CUL3: variants seen among roughly 807,000 people sequenced by gnomAD.
The protein encoded by CUL3 is cullin 3, also known as cullin-3.
CUL3 carries 19 observed loss-of-function variants against 89.1 expected under a neutral mutation model. The ratio of observed to expected loss-of-function variants is 0.21; its 90% confidence interval spans 0.15 to 0.31. The LOEUF is 0.31. Among genes scored for constraint, CUL3 ranks in the 10% least tolerant of loss-of-function variants. The probability of loss-of-function intolerance (pLI) is 1.00; values close to 1 mark genes in which losing one functional copy is unlikely to be tolerated. For synonymous variants in CUL3, 351 were observed against 308.4 expected (o/e 1.14, Z -1.45); for missense variants, 469 against 942.3 (o/e 0.50, Z 6.58).
rs2106128700 is a variant in CUL3 at position 224,472,504 on chromosome 2, A to G, written c.*1741T>C. The G allele has an allele frequency of 5.3e-6, 1 of 189,358 alleles. No homozygotes were observed. The highest frequency in any genetic ancestry group is 1.1e-5 in the Non-Finnish European group (1 of 90,194). The allele number at this position is 189,358 out of a possible 1,614,324, so 11.7% of individuals were successfully genotyped here. On this transcript the variant is annotated 3_prime_UTR_variant, in exon 16 of 16. Transcript: ENST00000264414. ...GAAAATTTCCAATTATGTCAAAATC[A>G]GAAGGTGAAACCCTTAGCTTTCCAT...
chr2:224,572,655 TG>T (rs1490001423), intron 1 of CUL3, among the ~76,000 whole-genome samples: 8 of 109,718 alleles, frequency 7.3e-5, no homozygotes, highest in Non-Finnish European at 1.6e-4. Flanking sequence ...AAAAAAAAGG[TG>T]GGGTCTTCAG....
chr2:224,522,347 A>C (rs917874250), intron 3 of CUL3, among the ~76,000 whole-genome samples: 1 of 152,228 alleles, frequency 6.6e-6, no homozygotes, highest in Non-Finnish European at 1.5e-5. Context: ...AATTAGATCG[A>C]AGTTTAAAGA....
chr2:224,542,570 T>C (rs182385750), intron 2 of CUL3, among the ~76,000 whole-genome samples: 88 of 150,994 alleles, frequency 5.8e-4, no homozygotes, highest in East Asian at 1.2e-3. Flanking sequence ...TGTGTGTGTG[T>C]GCGCGCGCGC....
At chr2:224,484,100 G>C (rs1691631799) in intron 13 of CUL3, among the ~76,000 whole-genome samples, 1 of 152,038 alleles carries the variant, frequency 6.6e-6, no homozygotes, top group South Asian at 2.1e-4. Flanking sequence ...GAACCTGGGA[G>C]GTCGAGGTTA....
At chr2:224,567,682 G>C (rs1695077691) in intron 1 of CUL3, among the ~76,000 whole-genome samples, 1 of 151,858 alleles carries the variant, frequency 6.6e-6, no homozygotes, top group African/African-American at 2.4e-5. Flanking sequence ...AGAGGTTGCA[G>C]TAAGCCGAGA....
chr2:224,559,353 C>CT (rs1694832073), intron 1 of CUL3, among the ~76,000 whole-genome samples: 1 of 149,832 alleles, frequency 6.7e-6, no homozygotes, highest in Non-Finnish European at 1.5e-5. Context: ...ACCCGGGAGG[C>CT]TGAGGGAGGA....
At chr2:224,549,035 C>G (rs553824367) in intron 2 of CUL3, among the ~76,000 whole-genome samples, 3 of 152,046 alleles carry the variant, frequency 2.0e-5, no homozygotes, top group African/African-American at 4.8e-5. Flanking sequence ...AACAAAAAAG[C>G]TGGACGCTGT....
At chr2:224,541,649 T>C (rs1283735080) in intron 2 of CUL3, among the ~76,000 whole-genome samples, 1 of 152,162 alleles carries the variant, frequency 6.6e-6, no homozygotes, top group East Asian at 1.9e-4. Context: ...AACCACAAAA[T>C]GTCTTTCAAC....
intron 1 of CUL3, among the ~76,000 whole-genome samples, chr2:224,564,430 C>T (rs974813267): frequency 6.6e-6 from 1 of 152,220 alleles, no homozygotes; most frequent in African/African-American, 2.4e-5. Flanking sequence ...GGCAGTGTAT[C>T]ATCTCATACC....
At chr2:224,507,575 A>G (rs1430402708) in intron 6 of CUL3, among the ~76,000 whole-genome samples, 1 of 152,198 alleles carries the variant, frequency 6.6e-6, no homozygotes, top group African/African-American at 2.4e-5. Flanking sequence ...TATGAAATGT[A>G]TAATATAAAT....
chr2:224,535,234 G>GAGAGT (rs1216114285), intron 3 of CUL3, among the ~76,000 whole-genome samples: 1 of 152,072 alleles, frequency 6.6e-6, no homozygotes, highest in Non-Finnish European at 1.5e-5. Flanking sequence ...TTGCCCAAGT[G>GAGAGT]AGAGTGCAGT....
intron 1 of CUL3, among the ~76,000 whole-genome samples, chr2:224,584,660 G>A (rs988111554): frequency 1.3e-5 from 2 of 151,064 alleles, no homozygotes; most frequent in East Asian, 1.9e-4. Context: ...GCGGCCGAGG[G>A]GCCCCGGCCG....
chr2:224,512,262 AT>A (rs1259918834), intron 5 of CUL3, among the ~76,000 whole-genome samples: 2 of 151,686 alleles, frequency 1.3e-5, no homozygotes, highest in African/African-American at 4.8e-5. Context: ...CGCCCGGCTA[AT>A]TTTTTTGTAT....
intron 13 of CUL3, among the ~76,000 whole-genome samples, chr2:224,494,221 AT>A (rs913408412): frequency 1.3e-5 from 2 of 151,738 alleles, no homozygotes; most frequent in Non-Finnish European, 2.9e-5. Context: ...CAAACACACT[AT>A]TTTTTTTCTT....
intron 3 of CUL3, among the ~76,000 whole-genome samples, chr2:224,524,808 A>G (rs1002725123): frequency 3.3e-5 from 5 of 152,136 alleles, no homozygotes; most frequent in African/African-American, 1.2e-4. Context: ...AACAAAAACA[A>G]CCCAGGATCA....
chr2:224,496,022 AATGTATGT>A, intron 12 of CUL3, 56 bp from the exon 13 acceptor site: 1 of 1,576,528 alleles, frequency 6.3e-7, no homozygotes, highest in Non-Finnish European at 8.7e-7. Context: ...TGGTAACATT[AATGTATGT>A]ATGTACGTAC....
chr2:224,551,205 AT>A (rs1211420165), intron 2 of CUL3, among the ~76,000 whole-genome samples: 1,678 of 133,964 alleles, frequency 0.013, 11 homozygotes, highest in Middle Eastern at 0.025. Flanking sequence ...AAGCCCGGCA[AT>A]TTTTTTTTTT....
chr2:224,548,912 G>C (rs1694403558), intron 2 of CUL3, among the ~76,000 whole-genome samples: 1 of 152,054 alleles, frequency 6.6e-6, no homozygotes, highest in South Asian at 2.1e-4. Context: ...TGAAGTGAGA[G>C]AATCACCACA....
chr2:224,489,811 TA>T (rs1176331261), intron 13 of CUL3, among the ~76,000 whole-genome samples: 1 of 152,118 alleles, frequency 6.6e-6, no homozygotes, highest in Non-Finnish European at 1.5e-5. Flanking sequence ...ACTTCATGAC[TA>T]AAACACCAAA....
Sources: allele counts gnomAD v4.1 joint callset (sites outside exome capture counted in the v4.1 genomes callset), GRCh38; gene constraint gnomAD v4.1.1; transcripts MANE v1.5; gene names NCBI Gene and HGNC (gene_info 2026-07-23, HGNC 2026-07-21).